PCDHGC5: variants seen among roughly 807,000 people sequenced by gnomAD.
PCDHGC5 encodes the protein protocadherin gamma subfamily C, 5.
PCDHGC5 carries 25 observed loss-of-function variants against 59.0 expected under a neutral mutation model. That is an observed-to-expected ratio of 0.42 (90% CI 0.31 to 0.59). PCDHGC5 has a LOEUF of 0.59. Among genes scored for constraint, PCDHGC5 ranks in the 20% least tolerant of loss-of-function variants. The pLI is 0.13. For synonymous variants in PCDHGC5, 434 were observed against 505.5 expected (o/e 0.86, Z 1.90); for missense variants, 1,067 against 1,206.4 (o/e 0.88, Z 1.71).
chr5:141,496,140 T>C (rs1172903212), intron 2 of PCDHGC5, among the ~76,000 whole-genome samples: 1 of 152,006 alleles, frequency 6.6e-6, no homozygotes, highest in Admixed American at 6.6e-5. Flanking sequence ...CACTGAGCCT[T>C]TGATCGCAGC....
Position 141,490,330 on chromosome 5 carries a change from C to G in PCDHGC5, c.1090C>G (p.Pro364Ala). 4 of 1,614,198 alleles carry G rather than the reference C, an allele frequency of 2.5e-6. No homozygotes were observed. Among genetic ancestry groups the G allele is most frequent in the South Asian group, 1.1e-5 (1 of 91,082 alleles). The change falls in exon 1 of 4, where the codon CCA (proline) becomes GCA (alanine). Residue 364 changes from proline to alanine, a missense_variant. Coordinates refer to ENST00000252087, the MANE Select transcript of PCDHGC5 (RefSeq NM_018929.3). This position sits in a 1 kb window ranked among gnomAD's most constrained non-coding sequence, Gnocchi z 5.4. ...SLANPVLEST[P>A]VGTVVGLFNV... is the part of the protein sequence containing the mutation. ...GGCCAACCCTGTCCTAGAGAGCACACCAGTGGGCACAGTAGTGGGGTTGTT... is the reference window on the plus strand; with the variant it reads ...GGCCAACCCTGTCCTAGAGAGCACAGCAGTGGGCACAGTAGTGGGGTTGTT...
chr5:141,492,386 G>C (rs1343104703), intron 1 of PCDHGC5, among the ~76,000 whole-genome samples: 1 of 152,202 alleles, frequency 6.6e-6, no homozygotes, highest in African/African-American at 2.4e-5. Context: ...GCCTGTTCCG[G>C]TCCACTCGCA....
intron 2 of PCDHGC5, among the ~76,000 whole-genome samples, chr5:141,502,401 G>A (rs191747075): frequency 2.0e-5 from 3 of 151,874 alleles, no homozygotes; most frequent in Admixed American, 1.3e-4. Flanking sequence ...AAATGTCCCC[G>A]AACCTGGATT....
chr5:141,509,056 G>C (rs1303823294), intron 3 of PCDHGC5, among the ~76,000 whole-genome samples: 1 of 152,178 alleles, frequency 6.6e-6, no homozygotes, highest in Non-Finnish European at 1.5e-5. Flanking sequence ...CCCCCAGAAA[G>C]CTCTCAGCTC....
Position 141,511,035 on chromosome 5 carries a change from C to A in PCDHGC5, c.2697C>A (p.His899Gln). Residue 899 changes from histidine to glutamine, a missense_variant, in exon 4 of 4, where the codon CAC becomes CAA. Physicochemically the swap from His to Gln is conservative, Grantham distance 24 (BLOSUM62 0). Transcript: ENST00000252087. The stretch of plus-strand genomic sequence containing the variant: ...ACGGACCCCAGTTCACCCTGCAGCA[C>A]GTGCCCGACTACCGCCAGAATGTCT... ...ARYGPQFTLQ[H>Q]VPDYRQNVYI... 2 of 1,614,208 alleles carry A rather than the reference C, an allele frequency of 1.2e-6. No individual in the cohort carries two copies. The highest frequency in any genetic ancestry group is 1.1e-5 in the South Asian group (1 of 91,088).
At chr5:141,501,319 A>G (rs2099807834) in intron 2 of PCDHGC5, among the ~76,000 whole-genome samples, 1 of 151,710 alleles carries the variant, frequency 6.6e-6, no homozygotes, top group Non-Finnish European at 1.5e-5. Context: ...ACACACACAC[A>G]CACACACACA....
At chr5:141,502,216 A>G (rs957759583) in intron 2 of PCDHGC5, among the ~76,000 whole-genome samples, 3 of 152,334 alleles carry the variant, frequency 2.0e-5, no homozygotes, top group Admixed American at 6.5e-5. Context: ...GCAGATTTTC[A>G]TAAATGTTCT....
chr5:141,499,486 C>T (rs569172977), intron 2 of PCDHGC5, among the ~76,000 whole-genome samples: 3 of 152,284 alleles, frequency 2.0e-5, no homozygotes, highest in East Asian at 1.9e-4. Context: ...CCACCAACTA[C>T]AGTTTAATAT....
chr5:141,510,448 C>T (rs1339979584), intron 3 of PCDHGC5, among the ~76,000 whole-genome samples: 1 of 152,016 alleles, frequency 6.6e-6, no homozygotes, highest in Non-Finnish European at 1.5e-5. Context: ...TCCAGGAGCC[C>T]ATGGTCTAGT....
chr5:141,498,230 C>T (rs2099782452), intron 2 of PCDHGC5, among the ~76,000 whole-genome samples: 1 of 152,200 alleles, frequency 6.6e-6, no homozygotes, highest in African/African-American at 2.4e-5. Flanking sequence ...GATGGTCAGG[C>T]ATACCAGCTT....
At chr5:141,505,260 C>T in intron 2 of PCDHGC5, 133 bp from the exon 3 acceptor site, 2 of 1,502,832 alleles carry the variant, frequency 1.3e-6, no homozygotes, top group South Asian at 1.3e-5. Context: ...TGCCTCCTAC[C>T]TTGCTGAGAG....
chr5:141,500,937 C>G (rs910002814), intron 2 of PCDHGC5, among the ~76,000 whole-genome samples: 1 of 151,804 alleles, frequency 6.6e-6, no homozygotes, highest in Non-Finnish European at 1.5e-5. Context: ...GGCGCCATCT[C>G]GGCTCACTGC....
chr5:141,502,126 A>C (rs2154593060), intron 2 of PCDHGC5, among the ~76,000 whole-genome samples: 1 of 152,252 alleles, frequency 6.6e-6, no homozygotes, highest in South Asian at 2.1e-4. Flanking sequence ...AGGCCCACAG[A>C]GCTCAGTCGG....
In PCDHGC5 at chr5:141,505,471, G is replaced by A. The variant is rs766596231; in HGVS notation, c.2598G>A (p.Ala866=). The A allele has an allele frequency of 3.4e-5, 55 of 1,614,244 alleles. No individual in the cohort carries two copies. The highest frequency in any genetic ancestry group is 1.1e-4 in the East Asian group (5 of 44,880). ...AGATGCTGCAAGCCATGATCTTGGCGTCCGCCAGTGGTAAGTGGTGTCAGT... is the reference window on the plus strand; with the variant it reads ...AGATGCTGCAAGCCATGATCTTGGCATCCGCCAGTGGTAAGTGGTGTCAGT... ...DTEMLQAMIL[A]SASEAADGSS... Residue 866 remains alanine (A), a synonymous_variant, in exon 3 of 4, where the codon GCG becomes GCA. Coordinates refer to ENST00000252087, the MANE Select transcript of PCDHGC5 (RefSeq NM_018929.3).
chr5:141,493,338 A>G lies in PCDHGC5; in HGVS notation c.2461-1469A>G, dbSNP rs773870729. Among the ~76,000 whole-genome samples the G allele has an allele frequency of 6.6e-6, 1 of 152,162 alleles. No individual in the cohort carries two copies. The highest frequency in any genetic ancestry group is 1.5e-5 in the Non-Finnish European group (1 of 68,028). On this transcript the variant is annotated intron_variant, in intron 1 of 3. Transcript: ENST00000252087. This position sits in a 1 kb window ranked among gnomAD's most constrained non-coding sequence, Gnocchi z 4.3. ...GATTCTAACCCCTGTCTAACTCCAG[A>G]ATGTGTGCTTTTAATTTCTTGGCAC...
Position 141,489,138 on chromosome 5 carries a change from T to C in PCDHGC5, c.-103T>C. 1.4e-6 allele frequency: 1 copy of C among 738,808 alleles called. No homozygotes were observed. The highest frequency in any genetic ancestry group is 3.0e-5 in the Admixed American group (1 of 33,014). The allele number at this position is 738,808 out of a possible 1,614,324, so 45.8% of individuals were successfully genotyped here. On this transcript the variant is annotated 5_prime_UTR_variant, in exon 1 of 4. Transcript: ENST00000252087. This position sits in a 1 kb window ranked among gnomAD's most constrained non-coding sequence, Gnocchi z 4.5. ...AACCTCCGAGCAGTTTTTAAGAGGC[T>C]GGAAGGAGACATAAGAGACTTCAGC...
In PCDHGC5 at chr5:141,491,225, T is replaced by G. The variant is rs764111440; in HGVS notation, c.1985T>G (p.Val662Gly). ...GDPSLSSTAT[V>G]LLVLEDEDPE... The stretch of plus-strand genomic sequence containing the variant: ...CCTTCACTCTCCTCCACAGCCACAG[T>G]GCTGCTGGTTCTGGAGGATGAGGAC... The change falls in exon 1 of 4, where the codon GTG (valine) becomes GGG (glycine). Residue 662 changes from valine (V) to glycine (G), a missense_variant. Transcript: ENST00000252087. This position sits in a 1 kb window ranked among gnomAD's most constrained non-coding sequence, Gnocchi z 6.9. 6.2e-7 allele frequency: 1 copy of G among 1,614,232 alleles called. No individual in the cohort carries two copies. Among genetic ancestry groups the G allele is most frequent in the Non-Finnish European group, 8.5e-7 (1 of 1,180,028 alleles).
chr5:141,491,783 A>C lies in PCDHGC5; in HGVS notation c.2460+83A>C. 1 of 1,539,736 alleles carries C rather than the reference A, an allele frequency of 6.5e-7. No individual in the cohort carries two copies. The highest frequency in any genetic ancestry group is 1.2e-5 in the South Asian group (1 of 82,444). On this transcript the variant is annotated intron_variant, in intron 1 of 3. Coordinates refer to ENST00000252087, the MANE Select transcript of PCDHGC5 (RefSeq NM_018929.3). The surrounding 1 kb of genome is among the most constrained non-coding windows in gnomAD (Gnocchi z 6.9). ...CGTCCTCATAAGGGATTGAACTTGC[A>C]TCCACTCCTCTCCGGCCGGCTTGGT...
chr5:141,490,485 G>A lies in PCDHGC5; in HGVS notation c.1245G>A (p.Glu415=). 3 of 1,614,202 alleles carry A rather than the reference G, an allele frequency of 1.9e-6. No individual in the cohort carries two copies. Among genetic ancestry groups the A allele is most frequent in the Middle Eastern group, 3.3e-4 (2 of 6,062 alleles). Residue 415 remains glutamate, a synonymous_variant, in exon 1 of 4, where the codon GAG becomes GAA. Coordinates refer to ENST00000252087, the MANE Select transcript of PCDHGC5 (RefSeq NM_018929.3). This position sits in a 1 kb window ranked among gnomAD's most constrained non-coding sequence, Gnocchi z 5.4. ...SLLTSQPLDR[E]ATSHYIIELL... ...TAACCAGCCAGCCTTTGGACCGGGA[G>A]GCCACATCCCACTATATCATCGAGC... is the stretch of plus-strand genomic sequence containing the variant.
Sources: gnomAD v4.1 joint callset for allele counts (sites outside exome capture counted in the v4.1 genomes callset) on GRCh38, gnomAD v4.1.1 for gene constraint, Gnocchi (gnomAD v3.1) non-coding constraint, MANE v1.5 for transcripts, NCBI Gene and HGNC (gene_info 2026-07-23, HGNC 2026-07-21) for gene names.